ZNF804B: variants seen among roughly 807,000 people sequenced by gnomAD.
ZNF804B encodes zinc finger protein 804B, also known as zinc finger 804B.
In ZNF804B, 80 loss-of-function variants were observed where a neutral mutation model predicts 101.4. The observed-to-expected ratio is 0.79, with a 90% CI of 0.66 to 0.95. The LOEUF (loss-of-function observed/expected upper bound fraction) is 0.95. Ranked by LOEUF, ZNF804B falls within the 40% of genes least tolerant of loss-of-function variation. ZNF804B has a pLI of 0.00. For synonymous variants in ZNF804B, 622 were observed against 558.8 expected (o/e 1.11, Z -1.59); for missense variants, 1,673 against 1,561.9 (o/e 1.07, Z -1.20).
intron 1 of ZNF804B, among the ~76,000 whole-genome samples, chr7:89,098,783 A>C (rs944697916): frequency 6.6e-6 from 1 of 152,072 alleles, no homozygotes; most frequent in African/African-American, 2.4e-5. Flanking sequence ...GGGATGAAGG[A>C]GATGAATTAA....
intron 1 of ZNF804B, among the ~76,000 whole-genome samples, chr7:88,809,355 CTACCTAT>C (rs1278239477): frequency 3.8e-4 from 54 of 143,458 alleles, no homozygotes; most frequent in African/African-American, 1.1e-3. Flanking sequence ...ATCTATCTAT[CTACCTAT>C]CTATCTACCT....
chr7:89,278,714 C>G (rs1381439849), intron 2 of ZNF804B, among the ~76,000 whole-genome samples: 2 of 149,550 alleles, frequency 1.3e-5, no homozygotes, highest in South Asian at 2.1e-4. Flanking sequence ...ATCTATATCT[C>G]TGTTTTGGTA....
chr7:88,924,799 C>G (rs1012006767), intron 1 of ZNF804B, among the ~76,000 whole-genome samples: 2 of 152,178 alleles, frequency 1.3e-5, no homozygotes, highest in Non-Finnish European at 2.9e-5. Context: ...GTTATACAAT[C>G]TCCATGACAA....
chr7:89,056,130 C>G (rs57983725), intron 1 of ZNF804B, among the ~76,000 whole-genome samples: 4,348 of 152,120 alleles, frequency 0.029, 229 homozygotes, highest in African/African-American at 0.099. Context: ...CTCAGTATAT[C>G]AGAGTGCCAG....
At chr7:89,307,272 A>G (rs1468491192) in intron 2 of ZNF804B, among the ~76,000 whole-genome samples, 1 of 152,052 alleles carries the variant, frequency 6.6e-6, no homozygotes, top group Non-Finnish European at 1.5e-5. Context: ...ACAATGAACC[A>G]TGCATAGAAT....
At chr7:88,984,631 G>A (rs1332517350) in intron 1 of ZNF804B, among the ~76,000 whole-genome samples, 3 of 152,016 alleles carry the variant, frequency 2.0e-5, no homozygotes, top group East Asian at 3.9e-4. Flanking sequence ...GCAATAGGGA[G>A]TATCAATGCA....
At chr7:89,132,169 TACACACACACACAC>T (rs59188340) in intron 1 of ZNF804B, among the ~76,000 whole-genome samples, 1 of 131,338 alleles carries the variant, frequency 7.6e-6, no homozygotes, top group African/African-American at 3.2e-5. Context: ...CACGCACACA[TACACACACACACAC>T]ACACACACAC....
In ZNF804B at chr7:89,337,629, T is replaced by C. The variant is rs983085993; in HGVS notation, c.*597T>C. On this transcript the variant is annotated 3_prime_UTR_variant, in exon 4 of 4. Coordinates refer to ENST00000333190, the MANE Select transcript of ZNF804B (RefSeq NM_181646.5). ...AAAACAATCTTTATAGATTATACTTTTGAGTTTCTGTGAAAAATAAATTAT... is the reference window on the plus strand; with the variant it reads ...AAAACAATCTTTATAGATTATACTTCTGAGTTTCTGTGAAAAATAAATTAT... Among the ~76,000 whole-genome samples, 4 of 152,156 alleles carry C rather than the reference T, an allele frequency of 2.6e-5. No individual in the cohort carries two copies. Among genetic ancestry groups the C allele is most frequent in the Admixed American group, 6.5e-5 (1 of 15,276 alleles).
chr7:88,766,742 C>A (rs867077103), intron 1 of ZNF804B, among the ~76,000 whole-genome samples: 3 of 152,128 alleles, frequency 2.0e-5, no homozygotes, highest in Admixed American at 6.5e-5. Flanking sequence ...TGACTTAGAT[C>A]TGTTGTGAAA....
At chr7:88,945,867 C>G (rs1793120668) in intron 1 of ZNF804B, among the ~76,000 whole-genome samples, 2 of 152,156 alleles carry the variant, frequency 1.3e-5, no homozygotes, top group Admixed American at 6.6e-5. Flanking sequence ...AATGGGAGTT[C>G]ACTCATGATT....
At chr7:89,272,028 A>G (rs1404422988) in intron 2 of ZNF804B, among the ~76,000 whole-genome samples, 1 of 152,086 alleles carries the variant, frequency 6.6e-6, no homozygotes, top group Non-Finnish European at 1.5e-5. Context: ...CATAAGGTTC[A>G]AAATTCTTAG....
intron 1 of ZNF804B, among the ~76,000 whole-genome samples, chr7:89,202,803 T>A (rs908024712): frequency 1.3e-5 from 2 of 152,114 alleles, no homozygotes; most frequent in Admixed American, 6.6e-5. Context: ...CAAAGAACTT[T>A]TCCTGGATTA....
chr7:88,916,041 TG>T (rs1257767506), intron 1 of ZNF804B, among the ~76,000 whole-genome samples: 11 of 151,944 alleles, frequency 7.2e-5, no homozygotes, highest in Middle Eastern at 3.2e-3. Context: ...GAAAGCAAAA[TG>T]TATCTGTGGG....
chr7:89,069,010 A>G (rs1789496601), intron 1 of ZNF804B, among the ~76,000 whole-genome samples: 1 of 152,234 alleles, frequency 6.6e-6, no homozygotes, highest in African/African-American at 2.4e-5. Context: ...ATCATTCAGC[A>G]TGGCTTGTGA....
chr7:89,181,069 A>G (rs1788288490), intron 1 of ZNF804B, among the ~76,000 whole-genome samples: 1 of 151,558 alleles, frequency 6.6e-6, no homozygotes, highest in Admixed American at 6.6e-5. Flanking sequence ...CCAAGTTGAA[A>G]GGTAATGTCC....
At chr7:88,761,079 T>C (rs1789888805) in intron 1 of ZNF804B, among the ~76,000 whole-genome samples, 1 of 151,816 alleles carries the variant, frequency 6.6e-6, no homozygotes. Flanking sequence ...TTTTTTTATG[T>C]TTGATATTTT....
chr7:88,806,006 T>G (rs1041470097), intron 1 of ZNF804B, among the ~76,000 whole-genome samples: 17 of 151,994 alleles, frequency 1.1e-4, no homozygotes, highest in African/African-American at 4.1e-4. Flanking sequence ...AAGTGCCACA[T>G]TTTGTAAGAT....
At chr7:89,310,689 A>G (rs1790639322) in intron 2 of ZNF804B, among the ~76,000 whole-genome samples, 1 of 152,226 alleles carries the variant, frequency 6.6e-6, no homozygotes, top group Non-Finnish European at 1.5e-5. Flanking sequence ...AGGATGAAAC[A>G]GAAATTGAAA....
chr7:88,908,329 GT>G (rs746746283), intron 1 of ZNF804B, among the ~76,000 whole-genome samples: 1 of 150,228 alleles, frequency 6.7e-6, no homozygotes, highest in Non-Finnish European at 1.5e-5. Flanking sequence ...GTTTGATCCT[GT>G]TTTTTTTAAT....
Sources: allele counts gnomAD v4.1 joint callset (sites outside exome capture counted in the v4.1 genomes callset), GRCh38; gene constraint gnomAD v4.1.1; transcripts MANE v1.5; gene names NCBI Gene and HGNC (gene_info 2026-07-23, HGNC 2026-07-21).